Variants in ROCK1 observed in about 807,000 individuals in gnomAD.
The protein encoded by ROCK1 is Rho associated coiled-coil containing protein kinase 1.
In ROCK1, 36 loss-of-function variants were observed where a neutral mutation model predicts 196.8. That is an observed-to-expected ratio of 0.18 (90% confidence interval 0.14 to 0.24). The LOEUF is 0.24. ROCK1 is among the 10% of genes least tolerant of loss of function. The probability of loss-of-function intolerance (pLI) is 1.00; values close to 1 mark genes in which losing one functional copy is unlikely to be tolerated. For missense variants in ROCK1, 920 were observed against 1,562.0 expected (o/e 0.59, Z 6.93); for synonymous variants, 443 against 515.9 (o/e 0.86, Z 1.91).
intron 1 of ROCK1, among the ~76,000 whole-genome samples, chr18:21,095,411 G>A (rs1423431809): frequency 6.6e-6 from 1 of 152,082 alleles, no homozygotes; most frequent in Non-Finnish European, 1.5e-5. Context: ...GCACTCCCAT[G>A]TTTATCATAC....
At chr18:21,063,304 A>G (rs1388986141) in intron 2 of ROCK1, among the ~76,000 whole-genome samples, 1 of 152,112 alleles carries the variant, frequency 6.6e-6, no homozygotes, top group East Asian at 1.9e-4. Context: ...AATAAATATA[A>G]CCTGTGATAA....
rs950514514 is a variant in ROCK1, at chr18:20,991,119, T to C, written c.2143+57A>G. The C allele has an allele frequency of 2.1e-5, 32 of 1,493,144 alleles. No individual in the cohort carries two copies. In the African/African-American group the frequency reaches 4.5e-4, roughly 21 times the overall value. The allele number at this position is 1,493,144 out of a possible 1,614,324, so 92.5% of individuals were successfully genotyped here. ...GTACAAAATTTTGACCAAAACCAAA[T>C]TTTTTCTAGTCACTATTTAAAGTCA... On this transcript the variant is annotated intron_variant, in intron 18 of 32. Coordinates refer to ENST00000399799, the MANE Select transcript of ROCK1 (RefSeq NM_005406.3).
chr18:21,024,800 A>AACCTT (rs1434919446), intron 10 of ROCK1, among the ~76,000 whole-genome samples: 5 of 152,224 alleles, frequency 3.3e-5, no homozygotes, highest in African/African-American at 1.2e-4. Flanking sequence ...AGATTCAAAT[A>AACCTT]ACTTTAAGAC....
At position 21,071,740 on chromosome 18, in the gene ROCK1, C is replaced by T. The variant is rs545293709; in HGVS notation, c.94-1127G>A. 2.6e-5 allele frequency among the ~76,000 whole-genome samples: 4 copies of T among 151,952 alleles called. No individual in the cohort carries two copies. In the South Asian group the frequency reaches 8.3e-4, roughly 32 times the overall value. On this transcript the variant is annotated intron_variant, in intron 1 of 32. Transcript: ENST00000399799. ...GCTTAATAATGTAATCAGTTCCAGA[C>T]AGGTCAAAACATTAAAAAAATAAAG...
At position 21,108,825 on chromosome 18, in the gene ROCK1, CTTCA is replaced by C. The variant is rs2036725255; in HGVS notation, c.93+1989_93+1992del. On this transcript the variant is annotated intron_variant, in intron 1 of 32. Transcript: ENST00000399799. ...ATCTTCCACACACCAGATTCATCTT[CTTCA>C]TTCATCCTAGCACGGTCTTATTTAT... is the stretch of plus-strand genomic sequence containing the variant. 2.6e-5 allele frequency among the ~76,000 whole-genome samples: 4 copies of C among 152,210 alleles called. No individual in the cohort carries two copies. The South Asian group carries it at 8.3e-4, about 32-fold the overall frequency.
At chr18:21,031,341 A>G (rs1242146337) in intron 9 of ROCK1, among the ~76,000 whole-genome samples, 3 of 152,204 alleles carry the variant, frequency 2.0e-5, no homozygotes, top group East Asian at 3.9e-4. Context: ...GTGGTGGCTC[A>G]CGCCTGTAAT....
chr18:21,073,063 CAAAAAAAAAAAAAAAAAAA>C (rs541290068), intron 1 of ROCK1, among the ~76,000 whole-genome samples: 11 of 32,744 alleles, frequency 3.4e-4, no homozygotes, highest in South Asian at 2.0e-3. Context: ...ACTCCGTCTC[CAAAAAAAAAAAAAAAAAAA>C]AAAAAAAAAA....
chr18:21,042,566 T>G lies in ROCK1; in HGVS notation c.819A>C (p.Val273=), dbSNP rs1471252979. 1 of 1,613,694 alleles carries G rather than the reference T, an allele frequency of 6.2e-7. No individual in the cohort carries two copies. Among genetic ancestry groups the G allele is most frequent in the Admixed American group, 1.7e-5 (1 of 59,988 alleles). ...AGACATAAAATCTTCCTTACTCACC[T>G]ACAAGCATTTCGTATAAAAATACCC... is the stretch of plus-strand genomic sequence containing the variant. ...SVGVFLYEML[V]GDTPFYADSL... is the part of the protein sequence containing the mutation. Residue 273 remains valine, a splice_region_variant and synonymous_variant, in exon 7 of 33, where the codon GTA becomes GTC. Coordinates refer to ENST00000399799, the MANE Select transcript of ROCK1 (RefSeq NM_005406.3).
At chr18:20,962,312 A>G (rs1429764817) in intron 27 of ROCK1, among the ~76,000 whole-genome samples, 2 of 152,214 alleles carry the variant, frequency 1.3e-5, no homozygotes, top group Non-Finnish European at 1.5e-5. Context: ...TTTAAAGTGT[A>G]GTTTGGAAAA....
rs538273676 is a variant in ROCK1, at chr18:21,090,037, T to C, written c.94-19424A>G. Reference sequence around the variant, plus strand: ...AGAATCTGAAATTATATCAATGGTTTCTGAACTTTTTGCACAGTTTGCAAC... The same window carrying C: ...AGAATCTGAAATTATATCAATGGTTCCTGAACTTTTTGCACAGTTTGCAAC... On this transcript the variant is annotated intron_variant, in intron 1 of 32. Transcript: ENST00000399799. 2.0e-5 allele frequency among the ~76,000 whole-genome samples: 3 copies of C among 152,362 alleles called. No homozygotes were observed. In the East Asian group the frequency reaches 5.8e-4, roughly 29 times the overall value.
chr18:21,046,609 T>C (rs1189150452), intron 4 of ROCK1, among the ~76,000 whole-genome samples: 2 of 152,128 alleles, frequency 1.3e-5, no homozygotes, highest in African/African-American at 4.8e-5. Context: ...TCCACTAATG[T>C]GAAATTAGCG....
chr18:21,021,654 G>T (rs918938150), intron 11 of ROCK1, among the ~76,000 whole-genome samples: 1 of 152,136 alleles, frequency 6.6e-6, no homozygotes, highest in African/African-American at 2.4e-5. Flanking sequence ...AGTTGATTTT[G>T]TACTTAGTTC....
chr18:21,009,165 GCTTT>G (rs1011176464), intron 13 of ROCK1, among the ~76,000 whole-genome samples: 1 of 144,304 alleles, frequency 6.9e-6, no homozygotes, highest in African/African-American at 2.6e-5. Flanking sequence ...TTTGAGACAG[GCTTT>G]TTTTTTTTTT....
At chr18:21,077,540 G>T (rs1267449896) in intron 1 of ROCK1, among the ~76,000 whole-genome samples, 1 of 152,152 alleles carries the variant, frequency 6.6e-6, no homozygotes, top group Admixed American at 6.5e-5. Context: ...AAAAGATGGG[G>T]GAGTAGGGAG....
intron 1 of ROCK1, among the ~76,000 whole-genome samples, chr18:21,093,273 G>A (rs2036586328): frequency 6.6e-6 from 1 of 152,180 alleles, no homozygotes; most frequent in South Asian, 2.1e-4. Context: ...AAGCCGATCT[G>A]GAAAACCAGC....
At chr18:21,056,010 T>G (rs2036242326) in intron 2 of ROCK1, among the ~76,000 whole-genome samples, 1 of 152,194 alleles carries the variant, frequency 6.6e-6, no homozygotes. Flanking sequence ...TACTTGACTT[T>G]CAGGACACAA....
intron 2 of ROCK1, among the ~76,000 whole-genome samples, chr18:21,058,180 C>T (rs1247989926): frequency 6.6e-6 from 1 of 152,064 alleles, no homozygotes; most frequent in Non-Finnish European, 1.5e-5. Flanking sequence ...AAAACAATAA[C>T]TGCAGTCATC....
At chr18:20,961,251 ATCAT>A (rs575295369) in intron 27 of ROCK1, among the ~76,000 whole-genome samples, 2 of 152,332 alleles carry the variant, frequency 1.3e-5, no homozygotes, top group South Asian at 4.1e-4. Flanking sequence ...AGATTATACT[ATCAT>A]TCAAATGGTA....
intron 27 of ROCK1, among the ~76,000 whole-genome samples, chr18:20,965,686 T>C (rs988015071): frequency 1.3e-5 from 2 of 152,160 alleles, no homozygotes; most frequent in African/African-American, 4.8e-5. Context: ...TTCAAAGTGA[T>C]CCTACAATAA....
Sources: gnomAD v4.1 joint callset for allele counts (sites outside exome capture counted in the v4.1 genomes callset) on GRCh38, gnomAD v4.1.1 for gene constraint, MANE v1.5 for transcripts, NCBI Gene and HGNC (gene_info 2026-07-23, HGNC 2026-07-21) for gene names.